Variants in TMPRSS15 observed in about 807,000 individuals in gnomAD.
TMPRSS15 encodes enteropeptidase.
Under a neutral mutation model 125.3 loss-of-function variants are expected in TMPRSS15, and 128 were observed. The ratio of observed to expected loss-of-function variants is 1.02; its 90% CI spans 0.89 to 1.18. The LOEUF (loss-of-function observed/expected upper bound fraction) is 1.18. TMPRSS15 is among the 50% of genes most tolerant of loss of function. The pLI, the probability that TMPRSS15 is intolerant of heterozygous loss-of-function variation, is 0.00. For missense variants in TMPRSS15, 1,283 were observed against 1,212.7 expected, an observed-to-expected ratio of 1.06 and a Z score of -0.86; for synonymous variants, 446 against 423.2, an observed-to-expected ratio of 1.05 and a Z score of -0.66.
intron 7 of TMPRSS15, among the ~76,000 whole-genome samples, chr21:18,364,902 G>A (rs1044447529): frequency 1.3e-5 from 2 of 152,102 alleles, no homozygotes; most frequent in African/African-American, 4.8e-5. Context: ...AAATAAACTT[G>A]CTTCAGAACC....
rs774494874 is a variant in TMPRSS15, at chr21:18,332,162, C to T, written c.1576G>A (p.Gly526Arg). 5 of 1,614,014 alleles carry T rather than the reference C, an allele frequency of 3.1e-6. No individual in the cohort carries two copies. Among genetic ancestry groups the T allele is most frequent in the South Asian group, 1.1e-5 (1 of 91,076 alleles). The change falls in exon 14 of 25, where the codon GGA becomes AGA. Residue 526 changes from glycine (G) to arginine (R), a missense_variant. Coordinates refer to ENST00000284885, the MANE Select transcript of TMPRSS15 (RefSeq NM_002772.3). Reference sequence around the variant, plus strand: ...TTTGGCTCCCACAGCTCAAAAGGTCCTCCACAGTCCGCTGAAAAGGAAAGC... The same window carrying T: ...TTTGGCTCCCACAGCTCAAAAGGTCTTCCACAGTCCGCTGAAAAGGAAAGC... Reference protein sequence around the residue: ...PPPELPTDCGGPFELWEPNTT... With the variant: ...PPPELPTDCGRPFELWEPNTT...
intron 16 of TMPRSS15, among the ~76,000 whole-genome samples, chr21:18,323,830 A>G (rs1331665835): frequency 6.6e-6 from 1 of 152,158 alleles, no homozygotes; most frequent in East Asian, 1.9e-4. Flanking sequence ...TGCAGAAGAG[A>G]GTACATAATT....
intron 10 of TMPRSS15, among the ~76,000 whole-genome samples, chr21:18,346,093 A>G (rs2075506093): frequency 6.6e-6 from 1 of 152,060 alleles, no homozygotes; most frequent in Non-Finnish European, 1.5e-5. Context: ...AATATAGTAA[A>G]ATAATATATA....
chr21:18,365,654 C>CCTTCCTTCCTTA (rs2075726267), intron 6 of TMPRSS15, among the ~76,000 whole-genome samples: 2 of 106,592 alleles, frequency 1.9e-5, no homozygotes, highest in Non-Finnish European at 3.6e-5. Flanking sequence ...TTCCTCCCTT[C>CCTTCCTTCCTTA]CTTCCTTCCT....
Position 18,390,301 on chromosome 21 carries a change from G to A in TMPRSS15, c.345-6523C>T, listed in dbSNP as rs149342189. Reference sequence around the variant, plus strand: ...ACAAAAAGTTAAAGCCATGGTAACTGTATAATTATTTTTATAGCCATAGGA... The same window carrying A: ...ACAAAAAGTTAAAGCCATGGTAACTATATAATTATTTTTATAGCCATAGGA... On this transcript the variant is annotated intron_variant, in intron 3 of 24. Transcript: ENST00000284885. Among the ~76,000 whole-genome samples, 339 of 152,194 alleles carry A rather than the reference G, an allele frequency of 2.2e-3. 2 individuals are homozygous for A. Among genetic ancestry groups the A allele is most frequent in the African/African-American group, 7.9e-3 (326 of 41,526 alleles).
chr21:18,398,233 T>A lies in TMPRSS15; in HGVS notation c.242A>T (p.Asp81Val), dbSNP rs1283219124. ...NPNLQDKLSV[D>V]FKVLAFDLQQ... Reference sequence around the variant, plus strand: ...AAGGTCAAAAGCAAGAACTTTGAAATCCACTGAGAGTTTGTCTTGCAAATT... The same window carrying A: ...AAGGTCAAAAGCAAGAACTTTGAAAACCACTGAGAGTTTGTCTTGCAAATT... Residue 81 changes from aspartate to valine, a missense_variant, in exon 2 of 25, where the codon GAT becomes GTT. Physicochemically the swap from Asp to Val is radical, Grantham distance 152. Transcript: ENST00000284885. The A allele has an allele frequency of 5.0e-6, 8 of 1,613,920 alleles. No homozygotes were observed. Among genetic ancestry groups the A allele is most frequent in the African/African-American group, 1.3e-5 (1 of 75,042 alleles).
At chr21:18,447,225 C>T (rs920421479) in intron 1 of TMPRSS15, among the ~76,000 whole-genome samples, 4 of 151,820 alleles carry the variant, frequency 2.6e-5, no homozygotes, top group African/African-American at 9.7e-5. Flanking sequence ...GCAGGTGGAT[C>T]ATGAGGTCAG....
intron 19 of TMPRSS15, among the ~76,000 whole-genome samples, chr21:18,295,700 G>T (rs989440318): frequency 2.6e-5 from 4 of 152,160 alleles, no homozygotes; most frequent in Non-Finnish European, 5.9e-5. Flanking sequence ...ATATAAGGAA[G>T]TCTATCTTTT....
At chr21:18,385,448 C>A (rs935669490) in intron 3 of TMPRSS15, among the ~76,000 whole-genome samples, 1 of 152,110 alleles carries the variant, frequency 6.6e-6, no homozygotes. Flanking sequence ...TATTACCTGG[C>A]CTTGGTCAAC....
chr21:18,343,357 C>A, intron 12 of TMPRSS15, 149 bp downstream of exon 12: 1 of 706,050 alleles, frequency 1.4e-6, no homozygotes, highest in Non-Finnish European at 2.3e-6. Flanking sequence ...TAAAATACTC[C>A]AAGGTAAAAT....
At chr21:18,300,306 CTCTT>C (rs1327361101) in intron 18 of TMPRSS15, among the ~76,000 whole-genome samples, 10 of 148,050 alleles carry the variant, frequency 6.8e-5, no homozygotes, top group South Asian at 2.1e-4. Context: ...CTCTCTCTCT[CTCTT>C]TCTTTCTCCT....
At chr21:18,321,692 G>A (rs921280667) in intron 16 of TMPRSS15, among the ~76,000 whole-genome samples, 1 of 152,122 alleles carries the variant, frequency 6.6e-6, no homozygotes, top group Non-Finnish European at 1.5e-5. Flanking sequence ...TTTTCTAAAA[G>A]AACCACCAAA....
At chr21:18,349,364 C>T (rs2075540812) in intron 10 of TMPRSS15, among the ~76,000 whole-genome samples, 1 of 152,106 alleles carries the variant, frequency 6.6e-6, no homozygotes, top group Non-Finnish European at 1.5e-5. Context: ...GATTTAGAAG[C>T]CATTGCTTCA....
chr21:18,384,093 C>T (rs1258905529), intron 3 of TMPRSS15, among the ~76,000 whole-genome samples: 2 of 152,096 alleles, frequency 1.3e-5, no homozygotes, highest in African/African-American at 2.4e-5. Context: ...GTTAAAATCA[C>T]GTGGTCTCTT....
At chr21:18,332,060 T>C (rs1395728368) in intron 14 of TMPRSS15, 24 bp downstream of exon 14, 2 of 1,594,736 alleles carry the variant, frequency 1.3e-6, no homozygotes, top group Admixed American at 3.3e-5. Flanking sequence ...TTGTTTCTGA[T>C]GACCTGGAAA....
At chr21:18,459,448 A>AT (rs1487436903) in intron 1 of TMPRSS15, among the ~76,000 whole-genome samples, 47 of 151,960 alleles carry the variant, frequency 3.1e-4, no homozygotes, top group African/African-American at 8.9e-4. Flanking sequence ...TAATTTTTGT[A>AT]TTTTTAGTAG....
intron 1 of TMPRSS15, among the ~76,000 whole-genome samples, chr21:18,458,097 G>A (rs1270738103): frequency 1.2e-4 from 19 of 152,126 alleles, no homozygotes; most frequent in Admixed American, 1.2e-3. Flanking sequence ...GAAATAAAAT[G>A]ACATAATTTT....
At position 18,398,117 on chromosome 21, in the gene TMPRSS15, T is replaced by A. The variant is rs536951064; in HGVS notation, c.276+82A>T. 1.7e-4 allele frequency: 262 copies of A among 1,509,738 alleles called. 1 individual carries two copies. The African/African-American group carries it at 3.2e-3, about 18-fold the overall frequency. The allele number at this position is 1,509,738 out of a possible 1,614,324, so 93.5% of individuals were successfully genotyped here. On this transcript the variant is annotated intron_variant, in intron 2 of 24. Coordinates refer to ENST00000284885, the MANE Select transcript of TMPRSS15 (RefSeq NM_002772.3). Reference sequence around the variant, plus strand: ...TGGGCATATTACATTTATTCTCTAGTTGTTTCACAGTGAGAAAATGGTGTT... The same window carrying A: ...TGGGCATATTACATTTATTCTCTAGATGTTTCACAGTGAGAAAATGGTGTT...
intron 21 of TMPRSS15, among the ~76,000 whole-genome samples, chr21:18,282,238 A>G (rs73320141): frequency 6.6e-6 from 1 of 151,868 alleles, no homozygotes; most frequent in Non-Finnish European, 1.5e-5. Flanking sequence ...CTTGTGTTGT[A>G]GAACAGATTA....
Sources: allele counts gnomAD v4.1 joint callset (sites outside exome capture counted in the v4.1 genomes callset), GRCh38; gene constraint gnomAD v4.1.1; transcripts MANE v1.5; gene names NCBI Gene and HGNC (gene_info 2026-07-23, HGNC 2026-07-21).